PITPNC1: variants seen among roughly 807,000 people sequenced by gnomAD.
PITPNC1 encodes the protein cytoplasmic phosphatidylinositol transfer protein 1.
A neutral mutation model predicts 44.7 loss-of-function variants in PITPNC1; 18 were observed. The ratio of observed to expected loss-of-function variants is 0.40; its 90% CI spans 0.28 to 0.60. The LOEUF (loss-of-function observed/expected upper bound fraction) is 0.60. Among genes scored for constraint, PITPNC1 ranks in the 20% least tolerant of loss-of-function variants. The pLI, the probability that PITPNC1 is intolerant of heterozygous loss-of-function variation, is 0.39. For missense variants in PITPNC1, 290 were observed against 418.4 expected (o/e 0.69, Z 2.68); for synonymous variants, 141 against 149.6 (o/e 0.94, Z 0.42).
intron 1 of PITPNC1, among the ~76,000 whole-genome samples, chr17:67,410,714 G>T (rs111821862): frequency 0.091 from 13,789 of 152,020 alleles, 848 homozygotes; most frequent in Middle Eastern, 0.13. Flanking sequence ...CTGTTAGTAG[G>T]TGAGTCTGCG....
chr17:67,683,167 A>G (rs1487478309), intron 8 of PITPNC1, among the ~76,000 whole-genome samples: 1 of 148,162 alleles, frequency 6.7e-6, no homozygotes, highest in Non-Finnish European at 1.5e-5. Flanking sequence ...AGTCTCAAAA[A>G]AAAAAAAAAA....
chr17:67,437,436 G>C (rs1251600005), intron 1 of PITPNC1, among the ~76,000 whole-genome samples: 2 of 152,150 alleles, frequency 1.3e-5, no homozygotes, highest in African/African-American at 2.4e-5. Flanking sequence ...GAAGCTGGAA[G>C]AGGCAAGGAC....
At chr17:67,400,888 T>TA (rs1261436583) in intron 1 of PITPNC1, among the ~76,000 whole-genome samples, 3 of 151,896 alleles carry the variant, frequency 2.0e-5, no homozygotes, top group African/African-American at 7.2e-5. Flanking sequence ...AATTGTTCGT[T>TA]ACGCTTTCAC....
At chr17:67,485,853 G>C (rs929129186) in intron 1 of PITPNC1, among the ~76,000 whole-genome samples, 1 of 152,162 alleles carries the variant, frequency 6.6e-6, no homozygotes, top group Non-Finnish European at 1.5e-5. Flanking sequence ...GTCTTCTGGG[G>C]GCGGCTTAAA....
chr17:67,446,411 T>G (rs1232785921), intron 1 of PITPNC1, among the ~76,000 whole-genome samples: 2 of 151,128 alleles, frequency 1.3e-5, no homozygotes, highest in African/African-American at 2.4e-5. Context: ...TTCTTCTGTT[T>G]TCAGAAAAAA....
At chr17:67,539,976 C>T (rs543738586) in intron 2 of PITPNC1, among the ~76,000 whole-genome samples, 38 of 152,058 alleles carry the variant, frequency 2.5e-4, no homozygotes, top group African/African-American at 7.7e-4. Context: ...ATAAAAGCAC[C>T]AAAACATGGA....
intron 1 of PITPNC1, among the ~76,000 whole-genome samples, chr17:67,503,322 T>C (rs192510037): frequency 6.6e-6 from 1 of 152,232 alleles, no homozygotes; most frequent in African/African-American, 2.4e-5. Flanking sequence ...AAAAAAATGA[T>C]ATCACTTAAT....
At chr17:67,460,890 C>T (rs2364975) in intron 1 of PITPNC1, among the ~76,000 whole-genome samples, 6,388 of 148,536 alleles carry the variant, frequency 0.043, 193 homozygotes, top group South Asian at 0.073. Flanking sequence ...TATAGGCGCG[C>T]GCCACCATGC....
intron 6 of PITPNC1, among the ~76,000 whole-genome samples, chr17:67,641,034 A>G (rs2042087723): frequency 6.6e-6 from 1 of 152,124 alleles, no homozygotes; most frequent in African/African-American, 2.4e-5. Context: ...ATATGGTATA[A>G]TGACACAAAT....
chr17:67,470,566 G>A (rs1360244524), intron 1 of PITPNC1, among the ~76,000 whole-genome samples: 3 of 139,120 alleles, frequency 2.2e-5, no homozygotes, highest in Admixed American at 7.1e-5. Context: ...TTCCCCGTCC[G>A]GGAGGGAGGT....
At chr17:67,669,168 G>A (rs1353305794) in intron 6 of PITPNC1, among the ~76,000 whole-genome samples, 2 of 152,110 alleles carry the variant, frequency 1.3e-5, no homozygotes, top group African/African-American at 4.8e-5. Context: ...GTGCAATGGC[G>A]CAATCTTGGC....
At chr17:67,557,381 T>C (rs1226894480) in intron 4 of PITPNC1, among the ~76,000 whole-genome samples, 1 of 152,092 alleles carries the variant, frequency 6.6e-6, no homozygotes, top group African/African-American at 2.4e-5. Flanking sequence ...CATAGTATGC[T>C]CCTTCCAGGA....
At chr17:67,650,280 G>C (rs1234665698) in intron 6 of PITPNC1, among the ~76,000 whole-genome samples, 1 of 152,078 alleles carries the variant, frequency 6.6e-6, no homozygotes, top group Non-Finnish European at 1.5e-5. Flanking sequence ...GCCTGACACA[G>C]ACTCTGGTAC....
chr17:67,622,003 C>A (rs2144314215), intron 5 of PITPNC1, among the ~76,000 whole-genome samples: 1 of 152,238 alleles, frequency 6.6e-6, no homozygotes, highest in Admixed American at 6.5e-5. Context: ...TAAAAAAAGA[C>A]TCACTCCTGT....
chr17:67,514,407 G>A (rs2040231716), intron 1 of PITPNC1, among the ~76,000 whole-genome samples: 1 of 151,156 alleles, frequency 6.6e-6, no homozygotes. Context: ...TACCATGTTG[G>A]CCAGGCTGGT....
At chr17:67,408,154 A>T (rs557832959) in intron 1 of PITPNC1, among the ~76,000 whole-genome samples, 3 of 151,768 alleles carry the variant, frequency 2.0e-5, no homozygotes, top group Admixed American at 6.6e-5. Flanking sequence ...CAGTTTTACC[A>T]TGTTGCCCAG....
At chr17:67,556,210 T>C (rs1024302132) in intron 4 of PITPNC1, among the ~76,000 whole-genome samples, 1 of 152,130 alleles carries the variant, frequency 6.6e-6, no homozygotes, top group Non-Finnish European at 1.5e-5. Context: ...GGCCTCTGCA[T>C]TGGGGCCTTG....
intron 5 of PITPNC1, among the ~76,000 whole-genome samples, chr17:67,583,865 T>TTGTGTGTGTGTGTGTGTG (rs771258752): frequency 5.9e-5 from 7 of 118,444 alleles, no homozygotes; most frequent in African/African-American, 1.3e-4. Flanking sequence ...CTGGCTAATT[T>TTGTGTGTGTGTGTGTGTG]TGTGTGTGTG....
intron 1 of PITPNC1, among the ~76,000 whole-genome samples, chr17:67,469,880 G>A (rs958931107): frequency 2.6e-5 from 4 of 151,894 alleles, no homozygotes; most frequent in Non-Finnish European, 4.4e-5. Flanking sequence ...TTAAAAATCA[G>A]CTTTACTGTG....
Sources: gnomAD v4.1 joint callset for allele counts (sites outside exome capture counted in the v4.1 genomes callset) on GRCh38, gnomAD v4.1.1 for gene constraint, MANE v1.5 for transcripts, NCBI Gene and HGNC (gene_info 2026-07-23, HGNC 2026-07-21) for gene names.